Variants in ERP44 observed in about 807,000 individuals in gnomAD.
ERP44 encodes the protein endoplasmic reticulum resident protein 44.
A neutral mutation model predicts 53.4 loss-of-function variants in ERP44; 25 were observed. The ratio of observed to expected loss-of-function variants is 0.47; its 90% confidence interval spans 0.34 to 0.65. The LOEUF (loss-of-function observed/expected upper bound fraction) is 0.65, where lower values mean the gene tolerates loss of function less well. Among genes scored for constraint, ERP44 ranks in the 30% least tolerant of loss-of-function variants. The pLI is 0.01. For synonymous variants in ERP44, 145 were observed against 161.2 expected (o/e 0.90, Z 0.76); for missense variants, 338 against 493.2 (o/e 0.69, Z 2.98).
At chr9:100,091,709 C>T (rs1033890972) in intron 1 of ERP44, among the ~76,000 whole-genome samples, 1 of 152,160 alleles carries the variant, frequency 6.6e-6, no homozygotes, top group East Asian at 1.9e-4. Flanking sequence ...ACTCTGATTC[C>T]TCCACTGAGA....
chr9:100,047,333 C>G (rs1159955404), intron 4 of ERP44, among the ~76,000 whole-genome samples: 1 of 152,154 alleles, frequency 6.6e-6, no homozygotes, highest in Non-Finnish European at 1.5e-5. Context: ...TACTGCAAGA[C>G]TACAGTAATC....
At chr9:100,061,025 C>A (rs1194986410) in intron 1 of ERP44, among the ~76,000 whole-genome samples, 4 of 152,172 alleles carry the variant, frequency 2.6e-5, no homozygotes, top group African/African-American at 9.7e-5. Flanking sequence ...TTTGCCCACC[C>A]ATTTCCTGAA....
At chr9:100,038,652 A>G (rs1825870015) in intron 4 of ERP44, among the ~76,000 whole-genome samples, 1 of 152,156 alleles carries the variant, frequency 6.6e-6, no homozygotes. Flanking sequence ...CTTATCAATA[A>G]TAACACTGAA....
chr9:100,025,711 T>A (rs1432458051), intron 4 of ERP44, among the ~76,000 whole-genome samples: 1 of 152,164 alleles, frequency 6.6e-6, no homozygotes, highest in Non-Finnish European at 1.5e-5. Context: ...ACAGCTTTCA[T>A]GCTGAGATCA....
intron 4 of ERP44, among the ~76,000 whole-genome samples, chr9:100,050,041 A>G (rs1826019679): frequency 6.6e-6 from 1 of 150,938 alleles, no homozygotes; most frequent in African/African-American, 2.4e-5. Flanking sequence ...AAGTCCAGAA[A>G]AAAAAAAAAA....
intron 1 of ERP44, among the ~76,000 whole-genome samples, chr9:100,086,124 G>A (rs890828450): frequency 1.3e-5 from 2 of 152,132 alleles, no homozygotes; most frequent in Non-Finnish European, 2.9e-5. Context: ...TAATAGAAAC[G>A]ATGTTTTTCT....
chr9:100,068,036 T>C, intron 1 of ERP44, among the ~76,000 whole-genome samples: 1 of 117,214 alleles, frequency 8.5e-6, no homozygotes, highest in Admixed American at 8.7e-5. Context: ...GGTGGGGGGG[T>C]CAGTCCCCCG....
At chr9:100,073,082 G>C (rs899279031) in intron 1 of ERP44, among the ~76,000 whole-genome samples, 1 of 152,202 alleles carries the variant, frequency 6.6e-6, no homozygotes, top group Non-Finnish European at 1.5e-5. Flanking sequence ...GCAATTTTAA[G>C]TGGTGATTTG....
Position 99,999,179 on chromosome 9 carries a change from G to A in ERP44, c.1016+7327C>T, listed in dbSNP as rs1000882146. The A allele has an allele frequency of 6.3e-5, 23 of 364,208 alleles. No homozygotes were observed. The East Asian group carries it at 6.4e-4, about 10-fold the overall frequency. 22.6% of individuals were successfully genotyped at this position (364,208 alleles called of 1,614,324 possible). A position where few individuals can be genotyped will look rare whatever the true frequency, so the allele number is the denominator to read the frequency against. On this transcript the variant is annotated intron_variant, in intron 10 of 11. Transcript: ENST00000262455. The stretch of plus-strand genomic sequence containing the variant: ...GCTCCGCCCCCCGACCCTGTCCCCC[G>A]CCCCTCCCCCTCCGCTCAAGGCCGT...
chr9:100,024,737 A>G lies in ERP44; in HGVS notation c.287-2511T>C, dbSNP rs1051687137. On this transcript the variant is annotated intron_variant, in intron 4 of 11. Transcript: ENST00000262455. The stretch of plus-strand genomic sequence containing the variant: ...AATGCCATTAAGAATCAAGATTTTC[A>G]GCATAAGGAAAACATATATAAAACT... Among the ~76,000 whole-genome samples, 44 of 152,218 alleles carry G rather than the reference A, an allele frequency of 2.9e-4. 1 individual carries two copies. Among genetic ancestry groups the G allele is most frequent in the Admixed American group, 2.9e-3 (44 of 15,274 alleles).
chr9:100,072,070 T>C (rs1826312239), intron 1 of ERP44, among the ~76,000 whole-genome samples: 1 of 152,236 alleles, frequency 6.6e-6, no homozygotes, highest in African/African-American at 2.4e-5. Flanking sequence ...GAATCTTTAA[T>C]GCTGTCCCAT....
At chr9:99,985,547 T>C (rs1274409124) in intron 10 of ERP44, among the ~76,000 whole-genome samples, 1 of 152,190 alleles carries the variant, frequency 6.6e-6, no homozygotes, top group Admixed American at 6.5e-5. Flanking sequence ...CACCATCCAA[T>C]GTCCACCACC....
intron 1 of ERP44, among the ~76,000 whole-genome samples, chr9:100,086,707 T>C (rs752766835): frequency 2.6e-5 from 4 of 152,154 alleles, no homozygotes; most frequent in Non-Finnish European, 5.9e-5. Flanking sequence ...GAGAGGGAGC[T>C]AGGAATGAAG....
At chr9:100,005,897 C>A (rs1830420512) in intron 10 of ERP44, among the ~76,000 whole-genome samples, 1 of 152,210 alleles carries the variant, frequency 6.6e-6, no homozygotes, top group Non-Finnish European at 1.5e-5. Flanking sequence ...TTTTTAACCA[C>A]TGTATTTAAC....
At chr9:99,983,290 A>G (rs1443229199) in intron 11 of ERP44, among the ~76,000 whole-genome samples, 2 of 152,196 alleles carry the variant, frequency 1.3e-5, no homozygotes, top group Admixed American at 1.3e-4. Context: ...GAAAAGGCAT[A>G]ATCCCAGCAC....
chr9:100,056,628 A>T (rs532612743), intron 3 of ERP44, among the ~76,000 whole-genome samples: 1 of 152,220 alleles, frequency 6.6e-6, no homozygotes, highest in Non-Finnish European at 1.5e-5. Flanking sequence ...ATCCAGGAAG[A>T]TAACCTGAAG....
chr9:100,066,746 G>A (rs190493057), intron 1 of ERP44, among the ~76,000 whole-genome samples: 10 of 152,232 alleles, frequency 6.6e-5, no homozygotes, highest in East Asian at 5.8e-4. Flanking sequence ...TTTCAGTTTC[G>A]CATTAAGCTC....
In ERP44 at chr9:100,098,959, G is replaced by T; in HGVS notation, c.-119C>A. The stretch of plus-strand genomic sequence containing the variant: ...ACGGCAGCGGAGGATTCTCCAGGCA[G>T]CGGCACCTCGTCCTCTCGACCCGGG... On this transcript the variant is annotated 5_prime_UTR_variant, in exon 1 of 12. It adds an upstream start codon to the 5' untranslated region. Coordinates refer to ENST00000262455, the MANE Select transcript of ERP44 (RefSeq NM_015051.3). 1.3e-6 allele frequency: 1 copy of T among 759,362 alleles called. No homozygotes were observed. The highest frequency in any genetic ancestry group is 2.2e-6 in the Non-Finnish European group (1 of 449,448). 47.0% of individuals were successfully genotyped at this position (759,362 alleles called of 1,614,324 possible).
Position 99,997,724 on chromosome 9 carries a change from G to C in ERP44, c.1016+8782C>G, listed in dbSNP as rs35722336. Among the ~76,000 whole-genome samples the C allele has an allele frequency of 9.6e-3, 1,455 of 152,212 alleles. 14 individuals carry two copies. The highest frequency in any genetic ancestry group is 0.012 in the African/African-American group (481 of 41,522). On this transcript the variant is annotated intron_variant, in intron 10 of 11. Coordinates refer to ENST00000262455, the MANE Select transcript of ERP44 (RefSeq NM_015051.3). ...TCATCCGGTCAGTGGCAAAACTGTT[G>C]AAAGGGCAATAGTTGAAGCTATTGG... is the stretch of plus-strand genomic sequence containing the variant.
Sources: allele counts gnomAD v4.1 joint callset (sites outside exome capture counted in the v4.1 genomes callset), GRCh38; gene constraint gnomAD v4.1.1; transcripts MANE v1.5; gene names NCBI Gene and HGNC (gene_info 2026-07-23, HGNC 2026-07-21).